GLIS3: variants seen among roughly 807,000 people sequenced by gnomAD.
GLIS3 encodes the protein zinc finger protein GLIS3.
In GLIS3, 53 loss-of-function variants were observed where a neutral mutation model predicts 78.6. The ratio of observed to expected loss-of-function variants is 0.67; its 90% CI spans 0.54 to 0.85. The LOEUF (loss-of-function observed/expected upper bound fraction) is 0.85. Ranked by LOEUF, GLIS3 falls within the 40% of genes least tolerant of loss-of-function variation. The pLI is 0.00. For missense variants in GLIS3, 1,703 were observed against 1,231.1 expected (o/e 1.38, Z -5.74); for synonymous variants, 684 against 509.9 (o/e 1.34, Z -4.60).
chr9:3,888,659 T>A (rs1822234512), intron 7 of GLIS3, among the ~76,000 whole-genome samples: 1 of 152,308 alleles, frequency 6.6e-6, no homozygotes, highest in Middle Eastern at 3.4e-3. Context: ...CTGGTTTTGT[T>A]ATGACTCCAG....
At chr9:3,861,372 C>T (rs938688638) in intron 8 of GLIS3, among the ~76,000 whole-genome samples, 1 of 152,010 alleles carries the variant, frequency 6.6e-6, no homozygotes, top group South Asian at 2.1e-4. Context: ...AGACCTAGAA[C>T]CAGAAATACC....
intron 8 of GLIS3, among the ~76,000 whole-genome samples, chr9:3,866,497 T>C (rs1336288887): frequency 1.3e-5 from 2 of 152,098 alleles, no homozygotes; most frequent in African/African-American, 4.8e-5. Context: ...AGAAAAGTTT[T>C]AGATAGTCAA....
intron 4 of GLIS3, among the ~76,000 whole-genome samples, chr9:4,089,586 G>A (rs1199526365): frequency 6.6e-6 from 1 of 152,156 alleles, no homozygotes; most frequent in Non-Finnish European, 1.5e-5. Context: ...AGCGCTTTGG[G>A]AGACCCAAGC....
chr9:4,183,232 T>C (rs1322636731), intron 2 of GLIS3, among the ~76,000 whole-genome samples: 1 of 152,064 alleles, frequency 6.6e-6, no homozygotes, highest in African/African-American at 2.4e-5. Flanking sequence ...AAATTTAAAT[T>C]CAACATAGAA....
intron 4 of GLIS3, among the ~76,000 whole-genome samples, chr9:4,097,462 C>T (rs1329812934): frequency 1.3e-5 from 2 of 152,038 alleles, no homozygotes; most frequent in East Asian, 3.9e-4. Context: ...TCCTAGAAAT[C>T]ACCAGCACAC....
intron 2 of GLIS3, among the ~76,000 whole-genome samples, chr9:4,220,209 T>C (rs1005762643): frequency 3.3e-5 from 5 of 152,214 alleles, no homozygotes; most frequent in Non-Finnish European, 4.4e-5. Context: ...AAATAATCTT[T>C]CTAAAACTTT....
chr9:4,182,975 C>T (rs1051685190), intron 2 of GLIS3, among the ~76,000 whole-genome samples: 2 of 152,218 alleles, frequency 1.3e-5, no homozygotes, highest in African/African-American at 2.4e-5. Flanking sequence ...TGACACCCCA[C>T]CGCTCACACT....
At chr9:4,208,763 T>G (rs1404720251) in intron 2 of GLIS3, among the ~76,000 whole-genome samples, 1 of 152,200 alleles carries the variant, frequency 6.6e-6, no homozygotes, top group African/African-American at 2.4e-5. Context: ...CCCAAAGCCT[T>G]ATGCCACCCT....
At chr9:4,150,695 T>G (rs1834610752) in intron 2 of GLIS3, among the ~76,000 whole-genome samples, 1 of 152,240 alleles carries the variant, frequency 6.6e-6, no homozygotes, top group Admixed American at 6.5e-5. Flanking sequence ...CACCATGCTT[T>G]GAATTCATAG....
the GLIS3 span, among the ~76,000 whole-genome samples, chr9:4,391,552 T>G: frequency 6.6e-5 from 8 of 121,140 alleles, no homozygotes; most frequent in Admixed American, 2.6e-4. Flanking sequence ...CTAAGAGGGG[T>G]GTGTGTGTGT....
chr9:4,073,822 T>G (rs1827822608), intron 4 of GLIS3, among the ~76,000 whole-genome samples: 1 of 152,152 alleles, frequency 6.6e-6, no homozygotes, highest in Non-Finnish European at 1.5e-5. Context: ...TTAAGTAAAA[T>G]TACGCATGAA....
At chr9:3,910,597 C>T (rs1329288544) in intron 6 of GLIS3, among the ~76,000 whole-genome samples, 3 of 152,176 alleles carry the variant, frequency 2.0e-5, no homozygotes, top group Non-Finnish European at 4.4e-5. Context: ...GCAATCTTCC[C>T]ACTTTGGCTT....
At chr9:3,839,336 ATGAAAAC>A (rs1818571548) in intron 9 of GLIS3, among the ~76,000 whole-genome samples, 1 of 152,218 alleles carries the variant, frequency 6.6e-6, no homozygotes, top group South Asian at 2.1e-4. Flanking sequence ...GGGCAGCAGA[ATGAAAAC>A]AGCAATCACA....
intron 2 of GLIS3, among the ~76,000 whole-genome samples, chr9:4,280,311 C>T (rs1322801805): frequency 1.3e-5 from 2 of 152,248 alleles, no homozygotes; most frequent in Non-Finnish European, 2.9e-5. Flanking sequence ...GTGTGAGCCA[C>T]ATGCCAGCCT....
At chr9:4,191,745 T>C (rs1818348401) in intron 2 of GLIS3, among the ~76,000 whole-genome samples, 3 of 152,152 alleles carry the variant, frequency 2.0e-5, no homozygotes, top group African/African-American at 7.2e-5. Flanking sequence ...TGAAAATGAA[T>C]TGAGGAACGT....
chr9:3,855,819 C>T (rs760878472), intron 9 of GLIS3, 190 bp downstream of exon 9: 31 of 662,036 alleles, frequency 4.7e-5, no homozygotes, highest in Non-Finnish European at 7.3e-5. Flanking sequence ...ATCATACCAT[C>T]ATCAGGCCAA....
At chr9:3,839,344 A>T (rs1203837487) in intron 9 of GLIS3, among the ~76,000 whole-genome samples, 1 of 152,218 alleles carries the variant, frequency 6.6e-6, no homozygotes. Flanking sequence ...GAATGAAAAC[A>T]GCAATCACAC....
the GLIS3 span, among the ~76,000 whole-genome samples, chr9:4,434,314 C>G: frequency 1.3e-5 from 2 of 152,130 alleles, no homozygotes; most frequent in African/African-American, 2.4e-5. Context: ...GGAGTCAGAT[C>G]TGAAACAAGC....
the GLIS3 span, among the ~76,000 whole-genome samples, chr9:4,391,225 G>T: frequency 6.6e-6 from 1 of 152,132 alleles, no homozygotes; most frequent in East Asian, 1.9e-4. Context: ...CTGGTGGAAG[G>T]GACAGTGGGG....
Sources: gnomAD v4.1 joint callset for allele counts (sites outside exome capture counted in the v4.1 genomes callset) on GRCh38, gnomAD v4.1.1 for gene constraint, MANE v1.5 for transcripts, NCBI Gene and HGNC (gene_info 2026-07-23, HGNC 2026-07-21) for gene names.